The following AKAP12 variants were observed in gnomAD, a reference collection of about 807,000 sequenced individuals.
AKAP12 encodes A-kinase anchor protein 12.
Under a neutral mutation model 79.9 loss-of-function variants are expected in AKAP12, and 32 were observed. The ratio of observed to expected loss-of-function variants is 0.40; its 90% confidence interval spans 0.30 to 0.54. The LOEUF (loss-of-function observed/expected upper bound fraction) is 0.54. Among genes scored for constraint, AKAP12 ranks in the 20% least tolerant of loss-of-function variants. The probability of loss-of-function intolerance (pLI) is 0.48; values close to 1 mark genes in which losing one functional copy is unlikely to be tolerated. For synonymous variants in AKAP12, 808 were observed against 857.0 expected (o/e 0.94, Z 1.00); for missense variants, 2,074 against 2,177.0 (o/e 0.95, Z 0.94).
intron 2 of AKAP12, among the ~76,000 whole-genome samples, chr6:151,249,649 T>G (rs1021541383): frequency 6.6e-6 from 1 of 152,278 alleles, no homozygotes; most frequent in African/African-American, 2.4e-5. Flanking sequence ...TTCATTTTTA[T>G]ATGGGTTACC....
At position 151,350,224 on chromosome 6, in the gene AKAP12, A is replaced by C; in HGVS notation, c.1833A>C (p.Ala611=). The change falls in exon 4 of 5, where the codon GCA becomes GCC. Residue 611 remains alanine, a synonymous_variant. Transcript: ENST00000402676. This position sits in a 1 kb window ranked among gnomAD's most constrained non-coding sequence, Gnocchi z 4.8. The part of the protein sequence containing the change: ...EKKREGVTPW[A]SFKKMVTPKK... The stretch of plus-strand genomic sequence containing the variant: ...AAAGAGAAGGTGTCACTCCCTGGGC[A>C]TCATTCAAAAAGATGGTGACGCCCA... 6.2e-7 allele frequency: 1 copy of C among 1,614,098 alleles called. No individual in the cohort carries two copies. Among genetic ancestry groups the C allele is most frequent in the Non-Finnish European group, 8.5e-7 (1 of 1,180,014 alleles).
chr6:151,349,020 C>G lies in AKAP12; in HGVS notation c.629C>G (p.Ala210Gly). The change falls in exon 4 of 5, where the codon GCA (alanine) becomes GGA (glycine). Residue 210 changes from alanine to glycine, a missense_variant. Coordinates refer to ENST00000402676, the MANE Select transcript of AKAP12 (RefSeq NM_005100.4). The part of the protein sequence containing the change: ...TVKKDEGEGA[A>G]GAGDHKDPSL... ...AAGAAAGATGAAGGGGAGGGAGCAG[C>G]AGGGGCTGGCGACCACAAGGACCCC... The G allele has an allele frequency of 6.2e-7, 1 of 1,613,076 alleles. No homozygotes were observed. The highest frequency in any genetic ancestry group is 8.5e-7 in the Non-Finnish European group (1 of 1,179,684).
intron 2 of AKAP12, among the ~76,000 whole-genome samples, chr6:151,287,340 G>A (rs1037602132): frequency 1.4e-4 from 21 of 151,974 alleles, no homozygotes; most frequent in African/African-American, 5.1e-4. Context: ...GCTCACTGTG[G>A]CCTCAACTTC....
chr6:151,305,767 G>A lies in AKAP12; in HGVS notation c.183G>A (p.Gln61=). 2 of 1,613,138 alleles carry A rather than the reference G, an allele frequency of 1.2e-6. No homozygotes were observed. Among genetic ancestry groups the A allele is most frequent in the Non-Finnish European group, 1.7e-6 (2 of 1,179,666 alleles). ...CATAGCTCCTACAGAAGAATGGTCA[G>A]CTGTCCACCATCAATGGCGTAGCTG... is the stretch of plus-strand genomic sequence containing the variant. ...PATKLLQKNG[Q]LSTINGVAEQ... is the part of the protein sequence containing the mutation. Residue 61 remains glutamine (Q), a synonymous_variant, in exon 3 of 5, where the codon CAG becomes CAA. Coordinates refer to ENST00000402676, the MANE Select transcript of AKAP12 (RefSeq NM_005100.4).
At chr6:151,306,606 C>T (rs771178942) in intron 3 of AKAP12, among the ~76,000 whole-genome samples, 2 of 152,064 alleles carry the variant, frequency 1.3e-5, no homozygotes, top group African/African-American at 2.4e-5. Context: ...TAAATTGATT[C>T]GTGTAATATG....
intron 2 of AKAP12, among the ~76,000 whole-genome samples, chr6:151,269,424 C>T (rs960594431): frequency 2.0e-5 from 3 of 152,070 alleles, no homozygotes; most frequent in Admixed American, 6.6e-5. Context: ...TTTCATAGAA[C>T]TTGCCAAGAC....
chr6:151,244,349 C>A (rs1797030056), intron 2 of AKAP12, among the ~76,000 whole-genome samples: 1 of 152,082 alleles, frequency 6.6e-6, no homozygotes. Flanking sequence ...ACGGTGAAAC[C>A]CCATCTCTAC....
At chr6:151,327,710 A>G (rs1423697685) in intron 3 of AKAP12, among the ~76,000 whole-genome samples, 2 of 152,228 alleles carry the variant, frequency 1.3e-5, no homozygotes, top group African/African-American at 4.8e-5. Flanking sequence ...GTGATAAATG[A>G]ATGGAAATAG....
At chr6:151,256,839 G>A (rs922438890) in intron 2 of AKAP12, among the ~76,000 whole-genome samples, 3 of 151,482 alleles carry the variant, frequency 2.0e-5, no homozygotes, top group African/African-American at 4.8e-5. Context: ...TAGTAGAGAC[G>A]GGTTTTACCA....
At chr6:151,311,781 G>A (rs77952916) in intron 3 of AKAP12, among the ~76,000 whole-genome samples, 1,531 of 152,240 alleles carry the variant, frequency 0.01, 19 homozygotes, top group African/African-American at 0.035. Context: ...CAGAAAGGCC[G>A]AAAGATTACC....
intron 2 of AKAP12, among the ~76,000 whole-genome samples, chr6:151,285,395 TG>T (rs59776022): frequency 0.22 from 32,935 of 149,394 alleles, 4,642 homozygotes; most frequent in East Asian, 0.58. Flanking sequence ...TGTGTGTGTG[TG>T]TGTGTGTGTG....
chr6:151,240,823 C>A, intron 2 of AKAP12, 99 bp downstream of exon 2: 1 of 984,524 alleles, frequency 1.0e-6, no homozygotes, highest in Non-Finnish European at 1.3e-6. Flanking sequence ...GAGAACTTCC[C>A]AGCCCATCCA....
chr6:151,246,115 T>A (rs921898737), intron 2 of AKAP12, among the ~76,000 whole-genome samples: 1 of 152,194 alleles, frequency 6.6e-6, no homozygotes, highest in South Asian at 2.1e-4. Context: ...GCAAGCTTTA[T>A]ATGCATTTAA....
At chr6:151,277,589 A>C (rs533693313) in intron 2 of AKAP12, among the ~76,000 whole-genome samples, 7 of 152,202 alleles carry the variant, frequency 4.6e-5, no homozygotes, top group Non-Finnish European at 8.8e-5. Flanking sequence ...TGAATGAGTT[A>C]ACTATTAGGG....
At chr6:151,284,505 G>A (rs902173946) in intron 2 of AKAP12, among the ~76,000 whole-genome samples, 4 of 152,152 alleles carry the variant, frequency 2.6e-5, no homozygotes, top group South Asian at 2.1e-4. Context: ...GTGTGCGCCT[G>A]TAGTCCCAGC....
intron 2 of AKAP12, among the ~76,000 whole-genome samples, chr6:151,292,571 A>G (rs1218744512): frequency 1.3e-5 from 2 of 152,244 alleles, no homozygotes; most frequent in East Asian, 3.8e-4. Flanking sequence ...CCAAGGATTG[A>G]AAAGATAGTT....
chr6:151,255,270 G>A (rs12174258), intron 2 of AKAP12, among the ~76,000 whole-genome samples: 44,495 of 151,516 alleles, frequency 0.29, 7,704 homozygotes, highest in East Asian at 0.78. Context: ...GGTTCAAGCA[G>A]TTCTCCTGCC....
rs771936289 is a variant in AKAP12 at position 151,350,402 on chromosome 6, C to T, written c.2011C>T (p.Arg671Cys). 1.1e-5 allele frequency: 17 copies of T among 1,613,366 alleles called. No homozygotes were observed. The highest frequency in any genetic ancestry group is 1.6e-4 in the Middle Eastern group (1 of 6,082). The change falls in exon 4 of 5, where the codon CGC becomes TGC. Residue 671 changes from arginine to cysteine, a missense_variant. Physicochemically the swap from Arg to Cys is radical, Grantham distance 180. This residue lies in a region of AKAP12 where 1,428 missense variants were observed against 1,451.0 expected (regional missense o/e 0.98). Transcript: ENST00000402676. The surrounding 1 kb of genome is among the most constrained non-coding windows in gnomAD (Gnocchi z 4.8). ...AGAGCCAAAGCCGGAAGAACCAAAGCGCAAGGTGGATACCTCAGTATCTTG... is the reference window on the plus strand; with the variant it reads ...AGAGCCAAAGCCGGAAGAACCAAAGTGCAAGGTGGATACCTCAGTATCTTG... ...VEEPKPEEPKRKVDTSVSWEA... is the reference protein window; with the variant it reads ...VEEPKPEEPKCKVDTSVSWEA...
rs191060066 is a variant in AKAP12 at position 151,337,574 on chromosome 6, A to G, written c.320-11137A>G. ...AAACATACAGAAAGTTGGAAAACTA[A>G]AATGAATACAGAGAACACCCATACC... On this transcript the variant is annotated intron_variant, in intron 3 of 4. Transcript: ENST00000402676. 2.0e-5 allele frequency among the ~76,000 whole-genome samples: 3 copies of G among 151,952 alleles called. No homozygotes were observed. In the East Asian group the frequency reaches 5.8e-4, roughly 29 times the overall value.
Sources: allele counts gnomAD v4.1 joint callset (sites outside exome capture counted in the v4.1 genomes callset), GRCh38; gene constraint gnomAD v4.1.1; regional missense constraint gnomAD v4.1.1; non-coding constraint Gnocchi (gnomAD v3.1); transcripts MANE v1.5; gene names NCBI Gene and HGNC (gene_info 2026-07-23, HGNC 2026-07-21).